The following CLEC16A variants were observed in gnomAD, a reference collection of about 807,000 sequenced individuals.
CLEC16A encodes C-type lectin domain containing 16A.
Under a neutral mutation model 109.5 loss-of-function variants are expected in CLEC16A, and 51 were observed. That is an observed-to-expected ratio of 0.47 (90% confidence interval 0.37 to 0.59). CLEC16A has a LOEUF of 0.59. CLEC16A is among the 20% of genes least tolerant of loss of function. The probability of loss-of-function intolerance (pLI) is 0.00; values close to 1 mark genes in which losing one functional copy is unlikely to be tolerated. For synonymous variants in CLEC16A, 673 were observed against 564.2 expected, an observed-to-expected ratio of 1.19 and a Z score of -2.73; for missense variants, 1,339 against 1,394.0, an observed-to-expected ratio of 0.96 and a Z score of 0.63.
chr16:11,038,717 T>A (rs1384375316), intron 13 of CLEC16A, among the ~76,000 whole-genome samples: 1 of 152,208 alleles, frequency 6.6e-6, no homozygotes, highest in Non-Finnish European at 1.5e-5. Context: ...TGCCTCTTAA[T>A]GATAGATCTC....
rs148897297 is a variant in CLEC16A at position 11,007,098 on chromosome 16, T to A, written c.1303+3793T>A. Among the ~76,000 whole-genome samples the A allele has an allele frequency of 1.6e-3, 241 of 152,262 alleles. 1 individual carries two copies. Among genetic ancestry groups the A allele is most frequent in the African/African-American group, 5.5e-3 (227 of 41,526 alleles). ...TTAGAGCAGTAACTTAATAAGCATA[T>A]CCTAGGGACTGAATCCTTCAAACTC... On this transcript the variant is annotated intron_variant, in intron 11 of 23. Transcript: ENST00000409790.
At chr16:10,970,741 C>T (rs1171389153) in intron 4 of CLEC16A, among the ~76,000 whole-genome samples, 1 of 152,194 alleles carries the variant, frequency 6.6e-6, no homozygotes, top group Non-Finnish European at 1.5e-5. Context: ...ACTACTACTG[C>T]TCTTTTTTCT....
intron 18 of CLEC16A, among the ~76,000 whole-genome samples, chr16:11,054,888 A>T (rs1011946224): frequency 6.6e-6 from 1 of 152,000 alleles, no homozygotes; most frequent in Non-Finnish European, 1.5e-5. Context: ...GCTTGTATCC[A>T]AAGAACATTC....
intron 13 of CLEC16A, among the ~76,000 whole-genome samples, chr16:11,037,793 C>A (rs1597150428): frequency 1.4e-5 from 2 of 142,344 alleles, no homozygotes; most frequent in East Asian, 4.7e-4. Flanking sequence ...CACCCCCACC[C>A]CCACCCCCAG....
chr16:10,991,281 A>G (rs995195292), intron 10 of CLEC16A, among the ~76,000 whole-genome samples: 2 of 152,014 alleles, frequency 1.3e-5, no homozygotes, highest in African/African-American at 4.8e-5. Context: ...ACTCAAAGGA[A>G]GCAAGAGAGT....
chr16:11,132,846 CAT>C (rs1458297378), intron 22 of CLEC16A, among the ~76,000 whole-genome samples: 2 of 152,210 alleles, frequency 1.3e-5, no homozygotes, highest in African/African-American at 4.8e-5. Context: ...CGGATGGATG[CAT>C]TGGTGGATGG....
chr16:11,081,996 C>T (rs2049746692), intron 19 of CLEC16A, among the ~76,000 whole-genome samples: 1 of 152,130 alleles, frequency 6.6e-6, no homozygotes, highest in African/African-American at 2.4e-5. Context: ...GGCACTACTG[C>T]ACTCCAGCCT....
chr16:11,136,488 G>T (rs1041992171), intron 22 of CLEC16A, among the ~76,000 whole-genome samples: 1 of 151,496 alleles, frequency 6.6e-6, no homozygotes, highest in Non-Finnish European at 1.5e-5. Flanking sequence ...TGTTGTTGTT[G>T]TTAGTTAAGG....
At chr16:11,128,239 T>G (rs2052964046) in intron 22 of CLEC16A, among the ~76,000 whole-genome samples, 1 of 152,236 alleles carries the variant, frequency 6.6e-6, no homozygotes, top group South Asian at 2.1e-4. Context: ...TTCTTCAGCA[T>G]CTACATGATC....
intron 10 of CLEC16A, among the ~76,000 whole-genome samples, chr16:10,994,803 T>C (rs1356911143): frequency 1.3e-5 from 2 of 152,244 alleles, no homozygotes; most frequent in Admixed American, 1.3e-4. Context: ...TGCATTTTTG[T>C]TGCAAAGAGC....
intron 1 of CLEC16A, among the ~76,000 whole-genome samples, chr16:10,956,366 G>T (rs189016569): frequency 6.6e-6 from 1 of 152,104 alleles, no homozygotes; most frequent in Non-Finnish European, 1.5e-5. Flanking sequence ...TGTCTTACCC[G>T]TTTTTAGAGA....
intron 19 of CLEC16A, among the ~76,000 whole-genome samples, chr16:11,090,786 A>G (rs2050257823): frequency 2.0e-5 from 3 of 148,396 alleles, no homozygotes; most frequent in Admixed American, 1.3e-4. Context: ...CTGGGATTAC[A>G]GGCATGCGCT....
In CLEC16A at chr16:11,126,156, C is replaced by A. The variant is rs768178286; in HGVS notation, c.2641+10C>A. Reference sequence around the variant, plus strand: ...GTGGACAAGGTGCCAGGTGAGCCAGCCCCCCGCCCTGCGCCACAGCTCGTT... The same window carrying A: ...GTGGACAAGGTGCCAGGTGAGCCAGACCCCCGCCCTGCGCCACAGCTCGTT... On this transcript the variant is annotated intron_variant, in intron 22 of 23. Coordinates refer to ENST00000409790, the MANE Select transcript of CLEC16A (RefSeq NM_015226.3). 4.3e-6 allele frequency: 7 copies of A among 1,613,632 alleles called. No individual in the cohort carries two copies. Among genetic ancestry groups the A allele is most frequent in the Non-Finnish European group, 5.1e-6 (6 of 1,179,842 alleles).
chr16:11,158,880 A>C (rs549787950), intron 22 of CLEC16A, among the ~76,000 whole-genome samples: 29 of 148,828 alleles, frequency 1.9e-4, no homozygotes, highest in Non-Finnish European at 3.1e-4. Flanking sequence ...AGATCATGCC[A>C]CTGCACTCTA....
intron 7 of CLEC16A, among the ~76,000 whole-genome samples, chr16:10,973,808 C>G (rs978540100): frequency 1.8e-4 from 27 of 149,680 alleles, no homozygotes; most frequent in African/African-American, 6.6e-4. Flanking sequence ...TGGGCTCAAG[C>G]AATCCTCCTG....
chr16:11,089,547 C>G (rs574023813), intron 19 of CLEC16A, among the ~76,000 whole-genome samples: 72 of 152,338 alleles, frequency 4.7e-4, no homozygotes, highest in Middle Eastern at 3.4e-3. Context: ...AAACCTCCTG[C>G]CAACAGCGCA....
At position 11,094,030 on chromosome 16, in the gene CLEC16A, C is replaced by A. The variant is rs528925735; in HGVS notation, c.2117-26585C>A. Among the ~76,000 whole-genome samples, 14 of 152,274 alleles carry A rather than the reference C, an allele frequency of 9.2e-5. No individual in the cohort carries two copies. In the East Asian group the frequency reaches 2.7e-3, roughly 29 times the overall value. On this transcript the variant is annotated intron_variant, in intron 19 of 23. Coordinates refer to ENST00000409790, the MANE Select transcript of CLEC16A (RefSeq NM_015226.3). ...TCTTTGGACGACAGGCAGGTCCTAT[C>A]ATGTGCTTGTAGAAGCCATGGTGGT...
intron 22 of CLEC16A, among the ~76,000 whole-genome samples, chr16:11,165,858 C>T (rs1454033803): frequency 6.6e-6 from 1 of 152,202 alleles, no homozygotes; most frequent in Non-Finnish European, 1.5e-5. Context: ...GTTCCTGAAC[C>T]TGACTTCCCT....
intron 16 of CLEC16A, among the ~76,000 whole-genome samples, chr16:11,046,331 C>T (rs762375708): frequency 6.6e-6 from 1 of 152,160 alleles, no homozygotes; most frequent in African/African-American, 2.4e-5. Context: ...TATAATTTCT[C>T]AGCAGCTTTT....
Sources: gnomAD v4.1 joint callset for allele counts (sites outside exome capture counted in the v4.1 genomes callset) on GRCh38, gnomAD v4.1.1 for gene constraint, MANE v1.5 for transcripts, NCBI Gene and HGNC (gene_info 2026-07-23, HGNC 2026-07-21) for gene names.